FHIT: variants seen among roughly 807,000 people sequenced by gnomAD.
FHIT encodes bis(5'-adenosyl)-triphosphatase.
In FHIT, 19 loss-of-function variants were observed where a neutral mutation model predicts 17.9. The observed-to-expected ratio is 1.06, with a 90% confidence interval of 0.74 to 1.56. FHIT has a LOEUF of 1.56. Among genes scored for constraint, FHIT ranks in the 40% most tolerant of loss-of-function variants. The probability of loss-of-function intolerance (pLI) is 0.00; values close to 1 mark genes in which losing one functional copy is unlikely to be tolerated. For synonymous variants in FHIT, 81 were observed against 69.7 expected (o/e 1.16, Z -0.81); for missense variants, 248 against 189.2 (o/e 1.31, Z -1.82).
At chr3:60,942,934 AG>A (rs1403473905) in intron 3 of FHIT, among the ~76,000 whole-genome samples, 1 of 152,198 alleles carries the variant, frequency 6.6e-6, no homozygotes. Context: ...AATTATTGAC[AG>A]GTACAGTTTT....
At chr3:60,578,440 A>AACACACACACACACACAC (rs71748891) in intron 4 of FHIT, among the ~76,000 whole-genome samples, 9 of 144,296 alleles carry the variant, frequency 6.2e-5, no homozygotes, top group South Asian at 2.3e-4. Context: ...CCATCTACAA[A>AACACACACACACACACAC]ACACACACAC....
rs146050968 is a variant in FHIT at position 61,247,214 on chromosome 3, TCTC to T, written c.-213+4084_-213+4086del. ...GGGCCTCCGCTGTTTCCTTTGTCCT[TCTC>T]CTCTGCTGTTGCTGTGATCCTCATT... is the stretch of plus-strand genomic sequence containing the variant. On this transcript the variant is annotated intron_variant, in intron 1 of 9. Coordinates refer to ENST00000492590, the MANE Select transcript of FHIT (RefSeq NM_002012.4). 8.0e-3 allele frequency among the ~76,000 whole-genome samples: 1,215 copies of T among 152,302 alleles called. 19 individuals carry two copies. The highest frequency in any genetic ancestry group is 0.028 in the African/African-American group (1,154 of 41,550).
At chr3:60,082,206 T>C (rs1703317878) in intron 5 of FHIT, among the ~76,000 whole-genome samples, 1 of 151,838 alleles carries the variant, frequency 6.6e-6, no homozygotes, top group Non-Finnish European at 1.5e-5. Context: ...CTCTCACTTA[T>C]AAGAGAGAAC....
chr3:60,544,557 G>A (rs1243408422), intron 4 of FHIT, among the ~76,000 whole-genome samples: 2 of 149,098 alleles, frequency 1.3e-5, no homozygotes, highest in Non-Finnish European at 3.0e-5. Context: ...TTAGCCTTTT[G>A]AATGTCATAA....
At chr3:60,967,212 A>T (rs890243164) in intron 3 of FHIT, among the ~76,000 whole-genome samples, 3 of 152,182 alleles carry the variant, frequency 2.0e-5, no homozygotes, top group Non-Finnish European at 4.4e-5. Context: ...GATTCACTGG[A>T]TGAGAACATA....
chr3:60,320,103 A>C (rs1709354058), intron 5 of FHIT, among the ~76,000 whole-genome samples: 1 of 152,190 alleles, frequency 6.6e-6, no homozygotes, highest in Admixed American at 6.5e-5. Flanking sequence ...ACCACATTTT[A>C]AGTTACACCA....
chr3:60,932,580 G>C (rs1708011904), intron 3 of FHIT, among the ~76,000 whole-genome samples: 1 of 152,132 alleles, frequency 6.6e-6, no homozygotes, highest in African/African-American at 2.4e-5. Flanking sequence ...CATTTTTCTA[G>C]CTTTGACTAT....
chr3:60,754,184 T>A (rs529625536), intron 4 of FHIT, among the ~76,000 whole-genome samples: 1 of 152,262 alleles, frequency 6.6e-6, no homozygotes, highest in East Asian at 1.9e-4. Flanking sequence ...CAAAACAAAG[T>A]AAACTGTACC....
chr3:60,570,962 T>C (rs2682960), intron 4 of FHIT, among the ~76,000 whole-genome samples: 137,229 of 151,942 alleles, frequency 0.9, 62,260 homozygotes, highest in East Asian at 1. Flanking sequence ...ATAAGGGACA[T>C]TGTAAGAGCA....
chr3:59,865,697 A>G (rs974215432), intron 8 of FHIT, among the ~76,000 whole-genome samples: 6 of 152,194 alleles, frequency 3.9e-5, no homozygotes, highest in African/African-American at 1.4e-4. Flanking sequence ...AAGAGTAACC[A>G]AGAGAGAAAG....
chr3:60,748,741 G>C (rs1355782704), intron 4 of FHIT, among the ~76,000 whole-genome samples: 2 of 152,106 alleles, frequency 1.3e-5, no homozygotes, highest in Non-Finnish European at 2.9e-5. Flanking sequence ...GAACCCGAGA[G>C]GCAGAGGTTG....
At chr3:60,913,102 G>A (rs1208275150) in intron 3 of FHIT, among the ~76,000 whole-genome samples, 1 of 152,206 alleles carries the variant, frequency 6.6e-6, no homozygotes, top group East Asian at 1.9e-4. Flanking sequence ...AAGCATCCAT[G>A]TTGGTTAAAC....
At chr3:61,172,712 T>C (rs1054358396) in intron 2 of FHIT, among the ~76,000 whole-genome samples, 3 of 151,538 alleles carry the variant, frequency 2.0e-5, no homozygotes, top group Non-Finnish European at 4.4e-5. Flanking sequence ...ATCTGAGAAG[T>C]TGTGTCTAAA....
chr3:60,615,773 T>C (rs2038932976), intron 4 of FHIT, among the ~76,000 whole-genome samples: 1 of 152,192 alleles, frequency 6.6e-6, no homozygotes, highest in Admixed American at 6.5e-5. Flanking sequence ...CTTATTCAAA[T>C]AAAATATGAT....
At chr3:60,264,282 C>G (rs1465531820) in intron 5 of FHIT, among the ~76,000 whole-genome samples, 2 of 151,970 alleles carry the variant, frequency 1.3e-5, no homozygotes, top group Non-Finnish European at 2.9e-5. Flanking sequence ...GCAGCAAAGT[C>G]AAAACCATGG....
intron 5 of FHIT, among the ~76,000 whole-genome samples, chr3:60,483,873 A>G (rs1382798183): frequency 6.6e-6 from 1 of 152,212 alleles, no homozygotes; most frequent in Non-Finnish European, 1.5e-5. Context: ...GCATAGGAAG[A>G]GAGGAAGTTA....
chr3:60,471,902 G>C (rs1420923688), intron 5 of FHIT, among the ~76,000 whole-genome samples: 1 of 152,018 alleles, frequency 6.6e-6, no homozygotes, highest in Non-Finnish European at 1.5e-5. Flanking sequence ...GATGAACAGA[G>C]TCATATTTCA....
At chr3:60,330,066 T>G (rs1283176432) in intron 5 of FHIT, among the ~76,000 whole-genome samples, 1 of 152,214 alleles carries the variant, frequency 6.6e-6, no homozygotes, top group African/African-American at 2.4e-5. Context: ...TTTCATGATC[T>G]CACCAATACA....
intron 5 of FHIT, among the ~76,000 whole-genome samples, chr3:60,073,420 A>G (rs906461239): frequency 6.6e-6 from 1 of 152,146 alleles, no homozygotes; most frequent in Non-Finnish European, 1.5e-5. Flanking sequence ...CCTATTACTC[A>G]TTATCCTGGG....
Sources: allele counts gnomAD v4.1 joint callset (sites outside exome capture counted in the v4.1 genomes callset), GRCh38; gene constraint gnomAD v4.1.1; transcripts MANE v1.5; gene names NCBI Gene and HGNC (gene_info 2026-07-23, HGNC 2026-07-21).